RIC1: variants seen among roughly 807,000 people sequenced by gnomAD.
RIC1 encodes RIC1 partner of RAB6A GEF complex.
A neutral mutation model predicts 169.0 loss-of-function variants in RIC1; 88 were observed. The observed-to-expected ratio is 0.52, with a 90% CI of 0.44 to 0.62. The LOEUF (loss-of-function observed/expected upper bound fraction) is 0.62, where lower values mean the gene tolerates loss of function less well. Among genes scored for constraint, RIC1 ranks in the 20% least tolerant of loss-of-function variants. RIC1 has a pLI of 0.00. For missense variants in RIC1, 1,877 were observed against 1,725.5 expected, an observed-to-expected ratio of 1.09 and a Z score of -1.56; for synonymous variants, 790 against 601.5, an observed-to-expected ratio of 1.31 and a Z score of -4.59.
rs1817596201 is a variant in RIC1, at chr9:5,629,225, G to A, written c.-85G>A. 8.0e-7 allele frequency: 1 copy of A among 1,250,480 alleles called. No individual in the cohort carries two copies. The highest frequency in any genetic ancestry group is 2.6e-5 in the South Asian group (1 of 39,096). The allele number at this position is 1,250,480 out of a possible 1,614,324, so 77.5% of individuals were successfully genotyped here. On this transcript the variant is annotated 5_prime_UTR_variant, in exon 1 of 26. It adds an upstream start codon to the 5' untranslated region. Transcript: ENST00000414202. Reference sequence around the variant, plus strand: ...GCCGCCGCCGCCGCCGACTCGGCCGGTGGCGGTGTGGGAGGTGGGCGACCA... The same window carrying A: ...GCCGCCGCCGCCGCCGACTCGGCCGATGGCGGTGTGGGAGGTGGGCGACCA...
chr9:5,755,043 T>TA, intron 15 of RIC1, 113 bp downstream of exon 15: 2 of 607,574 alleles, frequency 3.3e-6, no homozygotes, highest in Admixed American at 6.8e-5. Flanking sequence ...TTTTATTTTT[T>TA]AATCAAGAAT....
intron 2 of RIC1, among the ~76,000 whole-genome samples, chr9:5,684,685 C>A (rs1046212406): frequency 6.6e-6 from 1 of 152,094 alleles, no homozygotes; most frequent in Non-Finnish European, 1.5e-5. Flanking sequence ...TACTTTTTCT[C>A]CCCAATTTAT....
chr9:5,718,217 TG>T (rs1263420817), intron 4 of RIC1, among the ~76,000 whole-genome samples: 1 of 150,420 alleles, frequency 6.6e-6, no homozygotes, highest in Admixed American at 6.6e-5. Flanking sequence ...AGGATTATAA[TG>T]TTTTCTATAC....
chr9:5,755,883 A>G (rs1391421867), intron 15 of RIC1, among the ~76,000 whole-genome samples: 1 of 152,084 alleles, frequency 6.6e-6, no homozygotes, highest in Non-Finnish European at 1.5e-5. Context: ...AGATCATGCC[A>G]CTGCACTCCA....
At chr9:5,655,410 C>G (rs141655273) in intron 1 of RIC1, among the ~76,000 whole-genome samples, 1 of 152,090 alleles carries the variant, frequency 6.6e-6, no homozygotes, top group South Asian at 2.1e-4. Flanking sequence ...AAGTGATTCT[C>G]CTGCCTCAGC....
chr9:5,730,802 T>C (rs946155970), intron 6 of RIC1, among the ~76,000 whole-genome samples: 1 of 152,174 alleles, frequency 6.6e-6, no homozygotes, highest in Non-Finnish European at 1.5e-5. Flanking sequence ...TCTTCTTCTA[T>C]ATAACTTGAA....
chr9:5,695,673 A>G (rs1176077976), intron 3 of RIC1, among the ~76,000 whole-genome samples: 1 of 151,180 alleles, frequency 6.6e-6, no homozygotes, highest in African/African-American at 2.4e-5. Flanking sequence ...TCTGGGTTCA[A>G]GCGATTCTCA....
chr9:5,644,394 A>T (rs1343513298), intron 1 of RIC1, among the ~76,000 whole-genome samples: 1 of 152,180 alleles, frequency 6.6e-6, no homozygotes, highest in Non-Finnish European at 1.5e-5. Context: ...TTCTTTTTTC[A>T]AAATGTGTGT....
intron 6 of RIC1, among the ~76,000 whole-genome samples, chr9:5,724,298 G>C (rs151022460): frequency 0.02 from 2,981 of 152,168 alleles, 37 homozygotes; most frequent in Non-Finnish European, 0.025. Flanking sequence ...TGGATTCCTA[G>C]GTATTTTATT....
chr9:5,772,652 C>G lies in RIC1; in HGVS notation c.3705C>G (p.Phe1235Leu). Residue 1235 changes from phenylalanine (F) to leucine (L), a missense_variant, in exon 24 of 26, where the codon TTC becomes TTG. By Grantham distance (22) the Phe-to-Leu change is conservative. This residue lies in a region of RIC1 where 681 missense variants were observed against 582.0 expected (regional missense o/e 1.17). Transcript: ENST00000414202. ...DGDWTMVDEN[F>L]STLSLTQSEL... ...ACTGGACAATGGTGGATGAAAATTT[C>G]TCTACACTCAGTTTAACTCAGTCAG... 6.2e-7 allele frequency: 1 copy of G among 1,613,906 alleles called. No individual in the cohort carries two copies.
chr9:5,738,546 T>A lies in RIC1; in HGVS notation c.901+8T>A. ...CAGCAAAACAGTATCCTGGTGAGTC[T>A]TTTTTTTTTTTTTTTTTTTTAACAT... On this transcript the variant is annotated splice_region_variant and intron_variant, in intron 8 of 25. Coordinates refer to ENST00000414202, the MANE Select transcript of RIC1 (RefSeq NM_020829.4). The A allele has an allele frequency of 1.3e-3, 230 of 177,016 alleles. No individual in the cohort carries two copies. Among genetic ancestry groups the A allele is most frequent in the Non-Finnish European group, 1.9e-3 (210 of 111,814 alleles). 11.0% of individuals were successfully genotyped at this position (177,016 alleles called of 1,614,324 possible). A position where few individuals can be genotyped will look rare whatever the true frequency, so the allele number is the denominator to read the frequency against.
At chr9:5,654,349 C>T (rs773861347) in intron 1 of RIC1, among the ~76,000 whole-genome samples, 15 of 152,064 alleles carry the variant, frequency 9.9e-5, no homozygotes, top group Admixed American at 4.6e-4. Context: ...CGGGTTCAAG[C>T]GATTCTCCTG....
chr9:5,668,474 T>A (rs1034350616), intron 2 of RIC1, among the ~76,000 whole-genome samples: 1 of 152,224 alleles, frequency 6.6e-6, no homozygotes, highest in Non-Finnish European at 1.5e-5. Context: ...CTCCTGACAT[T>A]TTCAACCATT....
intron 3 of RIC1, among the ~76,000 whole-genome samples, chr9:5,694,321 T>C (rs1821764813): frequency 6.6e-6 from 1 of 152,226 alleles, no homozygotes; most frequent in Admixed American, 6.5e-5. Flanking sequence ...TTTGCTAATA[T>C]GTTGTGAGTG....
At chr9:5,755,688 T>C (rs1825968071) in intron 15 of RIC1, among the ~76,000 whole-genome samples, 1 of 152,120 alleles carries the variant, frequency 6.6e-6, no homozygotes, top group Non-Finnish European at 1.5e-5. Context: ...TTTGGGAGGC[T>C]AAGGCGGGTG....
chr9:5,633,657 G>C (rs187051151), intron 1 of RIC1, among the ~76,000 whole-genome samples: 3 of 152,074 alleles, frequency 2.0e-5, no homozygotes, highest in Non-Finnish European at 4.4e-5. Context: ...TCTACCCTGT[G>C]AGTTGATAAT....
At chr9:5,723,973 A>T (rs932609731) in intron 6 of RIC1, among the ~76,000 whole-genome samples, 6 of 152,082 alleles carry the variant, frequency 3.9e-5, no homozygotes, top group African/African-American at 1.4e-4. Context: ...CTTGTAGTAT[A>T]GTTTGAAGTC....
chr9:5,721,460 A>T (rs1341036158), intron 6 of RIC1, among the ~76,000 whole-genome samples: 1 of 152,202 alleles, frequency 6.6e-6, no homozygotes, highest in African/African-American at 2.4e-5. Context: ...GTGCACACAC[A>T]CACGCTGAAG....
rs756328117 is a variant in RIC1, at chr9:5,769,339, C to T, written c.3424+83C>T. The stretch of plus-strand genomic sequence containing the variant: ...ACACATTTTGCTATTAGTTGATATT[C>T]AAGGAATTATTTTCATTCCAAACTT... On this transcript the variant is annotated intron_variant, in intron 22 of 25. Coordinates refer to ENST00000414202, the MANE Select transcript of RIC1 (RefSeq NM_020829.4). 3 of 1,613,208 alleles carry T rather than the reference C, an allele frequency of 1.9e-6. No individual in the cohort carries two copies. In the Admixed American group the frequency reaches 5.0e-5, roughly 27 times the overall value.
Sources: gnomAD v4.1 joint callset for allele counts (sites outside exome capture counted in the v4.1 genomes callset) on GRCh38, gnomAD v4.1.1 for gene constraint, gnomAD v4.1.1 regional missense constraint, MANE v1.5 for transcripts, NCBI Gene and HGNC (gene_info 2026-07-23, HGNC 2026-07-21) for gene names.